TDRD3: variants seen among roughly 807,000 people sequenced by gnomAD.
TDRD3 encodes the protein tudor domain-containing protein 3.
TDRD3 carries 45 observed loss-of-function variants against 86.7 expected under a neutral mutation model. The ratio of observed to expected loss-of-function variants is 0.52; its 90% confidence interval spans 0.41 to 0.67. TDRD3 has a LOEUF of 0.67. Ranked by LOEUF, TDRD3 falls within the 30% of genes least tolerant of loss-of-function variation. TDRD3 has a pLI of 0.00. For missense variants in TDRD3, 814 were observed against 889.0 expected (o/e 0.92, Z 1.07); for synonymous variants, 298 against 301.7 (o/e 0.99, Z 0.13).
chr13:60,442,162 T>A (rs1028749580), intron 2 of TDRD3, among the ~76,000 whole-genome samples: 1 of 152,182 alleles, frequency 6.6e-6, no homozygotes, highest in Admixed American at 6.5e-5. Context: ...AGAAATGACA[T>A]TGAAATCCAG....
chr13:60,484,688 C>A, intron 6 of TDRD3: 2 of 439,918 alleles, frequency 4.5e-6, no homozygotes, highest in Non-Finnish European at 9.0e-6. Context: ...TTTTTTTTTA[C>A]TGAGTTTGGA....
intron 1 of TDRD3, among the ~76,000 whole-genome samples, chr13:60,435,254 C>G (rs1441689183): frequency 6.6e-6 from 1 of 151,840 alleles, no homozygotes; most frequent in East Asian, 1.9e-4. Context: ...TTCAGAAAAC[C>G]TTTTATAGGC....
At chr13:60,421,728 G>A (rs1403945069) in intron 1 of TDRD3, among the ~76,000 whole-genome samples, 1 of 152,270 alleles carries the variant, frequency 6.6e-6, no homozygotes, top group East Asian at 1.9e-4. Flanking sequence ...AAAAGAAAAA[G>A]TTAAAAGCCA....
intron 5 of TDRD3, among the ~76,000 whole-genome samples, chr13:60,477,366 C>T (rs1478529032): frequency 6.6e-6 from 1 of 151,872 alleles, no homozygotes; most frequent in Non-Finnish European, 1.5e-5. Flanking sequence ...AGGTGCACAC[C>T]ACCAAGTCTG....
chr13:60,432,781 CTTGTCCCACCTTAGCTTGGGTAA>C (rs1158417294), intron 1 of TDRD3, among the ~76,000 whole-genome samples: 2 of 152,096 alleles, frequency 1.3e-5, no homozygotes, highest in Non-Finnish European at 2.9e-5. Flanking sequence ...TTTTCCCTCT[CTTGTCCCACCTTAGCTTGGGTAA>C]TTGGGAATTA....
intron 1 of TDRD3, among the ~76,000 whole-genome samples, chr13:60,413,355 G>C (rs1398827806): frequency 2.6e-5 from 4 of 152,128 alleles, no homozygotes; most frequent in Non-Finnish European, 4.4e-5. Context: ...TGTATGGCTG[G>C]TGTTTACGAG....
In TDRD3 at chr13:60,514,608, T is replaced by G. The variant is rs138174494; in HGVS notation, c.1141+3853T>G. The stretch of plus-strand genomic sequence containing the variant: ...AGGGGAAGTGTTGGGGCAGTCCAAG[T>G]GGAGGGAGCACTATGTATACAGGCA... On this transcript the variant is annotated intron_variant, in intron 10 of 13. Coordinates refer to ENST00000377881, the MANE Select transcript of TDRD3 (RefSeq NM_001146070.2). 8.5e-4 allele frequency among the ~76,000 whole-genome samples: 129 copies of G among 152,042 alleles called. 1 individual carries two copies. The East Asian group carries it at 0.02, about 24-fold the overall frequency.
chr13:60,447,987 C>G (rs533295750), intron 3 of TDRD3, among the ~76,000 whole-genome samples: 1 of 152,256 alleles, frequency 6.6e-6, no homozygotes, highest in Non-Finnish European at 1.5e-5. Context: ...GTACAATGCA[C>G]TGGAGCTTCT....
At chr13:60,466,354 G>A (rs1217333083) in intron 4 of TDRD3, among the ~76,000 whole-genome samples, 1 of 152,106 alleles carries the variant, frequency 6.6e-6, no homozygotes, top group African/African-American at 2.4e-5. Context: ...ATATAGCATA[G>A]CATAGTTGAA....
intron 1 of TDRD3, among the ~76,000 whole-genome samples, chr13:60,437,121 CTTTT>C (rs528500199): frequency 1.7e-3 from 129 of 73,792 alleles, no homozygotes; most frequent in African/African-American, 6.3e-3. Context: ...ATAAATTAAA[CTTTT>C]TTTTTTTTTT....
At chr13:60,552,178 T>G (rs1314628219) in intron 12 of TDRD3, among the ~76,000 whole-genome samples, 2 of 152,230 alleles carry the variant, frequency 1.3e-5, no homozygotes, top group African/African-American at 2.4e-5. Flanking sequence ...AAGTCCCATC[T>G]GCCTTTGAGC....
intron 10 of TDRD3, among the ~76,000 whole-genome samples, chr13:60,511,558 TAAAAC>T (rs1043146802): frequency 6.6e-6 from 1 of 152,240 alleles, no homozygotes; most frequent in African/African-American, 2.4e-5. Context: ...GTCAGTGGCT[TAAAAC>T]AATGCAACTT....
chr13:60,423,344 G>A (rs919702303), intron 1 of TDRD3, among the ~76,000 whole-genome samples: 3 of 152,090 alleles, frequency 2.0e-5, no homozygotes, highest in Admixed American at 6.5e-5. Flanking sequence ...AGGATACTTC[G>A]TTATACTGCT....
chr13:60,553,840 C>T (rs981279046), intron 12 of TDRD3, among the ~76,000 whole-genome samples: 25 of 152,172 alleles, frequency 1.6e-4, no homozygotes, highest in African/African-American at 5.8e-4. Context: ...TTGGTGGGGA[C>T]ACAGAGTCAA....
intron 6 of TDRD3, chr13:60,484,762 G>T (rs1350956482): frequency 6.8e-6 from 3 of 443,318 alleles, no homozygotes; most frequent in Admixed American, 4.8e-5. Context: ...TTGATGGTTG[G>T]TATTCTCCCA....
intron 1 of TDRD3, among the ~76,000 whole-genome samples, chr13:60,404,221 T>A (rs561885564): frequency 6.8e-6 from 1 of 146,452 alleles, no homozygotes; most frequent in Admixed American, 6.8e-5. Flanking sequence ...TTGTGTCTTC[T>A]GATATTTGGC....
intron 1 of TDRD3, among the ~76,000 whole-genome samples, chr13:60,427,101 A>G (rs1309693552): frequency 6.6e-6 from 1 of 152,230 alleles, no homozygotes; most frequent in East Asian, 1.9e-4. Flanking sequence ...CCACAGTCAT[A>G]TATGTATCTG....
intron 8 of TDRD3, among the ~76,000 whole-genome samples, chr13:60,501,504 G>C (rs1595031327): frequency 6.6e-6 from 1 of 152,222 alleles, no homozygotes; most frequent in Non-Finnish European, 1.5e-5. Context: ...AGTAACTTCA[G>C]TGTTAACCCT....
intron 1 of TDRD3, among the ~76,000 whole-genome samples, chr13:60,413,515 T>C (rs1365951881): frequency 1.3e-5 from 2 of 152,164 alleles, no homozygotes; most frequent in Non-Finnish European, 2.9e-5. Context: ...CTTCATAGTA[T>C]TGTTAGGAGG....
Sources: gnomAD v4.1 joint callset for allele counts (sites outside exome capture counted in the v4.1 genomes callset) on GRCh38, gnomAD v4.1.1 for gene constraint, MANE v1.5 for transcripts, NCBI Gene and HGNC (gene_info 2026-07-23, HGNC 2026-07-21) for gene names.